LIPC: variants seen among roughly 807,000 people sequenced by gnomAD.
LIPC encodes lipase C, hepatic type, also known as hepatic triacylglycerol lipase.
LIPC carries 44 observed loss-of-function variants against 50.7 expected under a neutral mutation model. That is an observed-to-expected ratio of 0.87 (90% CI 0.68 to 1.11). The LOEUF is 1.11. Among genes scored for constraint, LIPC ranks in the 50% most tolerant of loss-of-function variants. The probability of loss-of-function intolerance (pLI) is 0.00; values close to 1 mark genes in which losing one functional copy is unlikely to be tolerated. For missense variants in LIPC, 697 were observed against 648.2 expected (o/e 1.08, Z -0.82); for synonymous variants, 271 against 256.4 (o/e 1.06, Z -0.54).
intron 7 of LIPC, 66 bp from the exon 8 acceptor site, chr15:58,563,439 G>A: frequency 7.6e-7 from 1 of 1,309,876 alleles, no homozygotes; most frequent in Non-Finnish European, 1.1e-6. Flanking sequence ...CATCCTGAAT[G>A]TGTGTGACCG....
At chr15:58,557,379 CT>C (rs386383140) in intron 6 of LIPC, among the ~76,000 whole-genome samples, 2,386 of 75,350 alleles carry the variant, frequency 0.032, 22 homozygotes, top group African/African-American at 0.08. Flanking sequence ...ATTATATGCT[CT>C]TTTTTTTTTT....
At chr15:58,495,677 G>C (rs2140821226) in intron 1 of LIPC, among the ~76,000 whole-genome samples, 1 of 152,340 alleles carries the variant, frequency 6.6e-6, no homozygotes, top group East Asian at 1.9e-4. Context: ...GCCCACATGA[G>C]GCAGAGCCAG....
intron 1 of LIPC, among the ~76,000 whole-genome samples, chr15:58,478,503 G>C (rs768068094): frequency 7.9e-5 from 12 of 152,172 alleles, no homozygotes; most frequent in Non-Finnish European, 1.5e-4. Context: ...CCTCCCGAAA[G>C]TGCTAGGATT....
At chr15:58,518,895 G>C (rs1304203286) in intron 1 of LIPC, among the ~76,000 whole-genome samples, 2 of 150,618 alleles carry the variant, frequency 1.3e-5, no homozygotes, top group Non-Finnish European at 3.0e-5. Flanking sequence ...AAACATAATA[G>C]ACACTCACAA....
rs561163271 is a variant in LIPC, at chr15:58,453,378, TC to T, written c.88+21260del. On this transcript the variant is annotated intron_variant, in intron 1 of 8. Transcript: ENST00000299022. ...TTCTGCCTCCTGCAGGCACCCTCATTCCGCATTCTCGGTAAGTGATTCTAAT... is the reference window on the plus strand; with the variant it reads ...TTCTGCCTCCTGCAGGCACCCTCATTCGCATTCTCGGTAAGTGATTCTAAT... Among the ~76,000 whole-genome samples, 477 of 151,908 alleles carry T rather than the reference TC, an allele frequency of 3.1e-3. 3 individuals carry two copies. Among genetic ancestry groups the T allele is most frequent in the African/African-American group, 0.011 (464 of 41,426 alleles).
intron 7 of LIPC, 115 bp from the exon 8 acceptor site, chr15:58,563,390 A>G (rs1894234717): frequency 1.2e-6 from 1 of 845,244 alleles, no homozygotes; most frequent in Non-Finnish European, 2.0e-6. Flanking sequence ...AGTTTGGGAA[A>G]TGCAGCAAAA....
At chr15:58,568,558 C>T (rs1186583490) in intron 8 of LIPC, among the ~76,000 whole-genome samples, 158 bp from the exon 9 acceptor site, 4 of 152,154 alleles carry the variant, frequency 2.6e-5, no homozygotes, top group Non-Finnish European at 4.4e-5. Context: ...TTTTGTTTTT[C>T]TCTGAAGTTA....
intron 1 of LIPC, among the ~76,000 whole-genome samples, chr15:58,438,169 T>A (rs1281859765): frequency 6.6e-6 from 1 of 152,018 alleles, no homozygotes; most frequent in Non-Finnish European, 1.5e-5. Context: ...CCTGCCCTCC[T>A]CTCCACATCA....
intron 8 of LIPC, chr15:58,565,344 C>T (rs1415291409): frequency 3.0e-5 from 46 of 1,530,588 alleles, no homozygotes; most frequent in Non-Finnish European, 4.0e-5. Context: ...GGTGGCTGCT[C>T]ACCCTGACAA....
chr15:58,520,133 T>A (rs1162441774), intron 1 of LIPC, among the ~76,000 whole-genome samples: 1 of 150,506 alleles, frequency 6.6e-6, no homozygotes, highest in Non-Finnish European at 1.5e-5. Flanking sequence ...GTTTTTTTTT[T>A]AATCTGTTAA....
chr15:58,510,763 T>G (rs1215790601), intron 1 of LIPC, among the ~76,000 whole-genome samples: 5 of 152,248 alleles, frequency 3.3e-5, no homozygotes, highest in Non-Finnish European at 7.3e-5. Context: ...CAATGGTATA[T>G]CATGCTATTT....
At chr15:58,445,061 C>T (rs1373415979) in intron 1 of LIPC, among the ~76,000 whole-genome samples, 1 of 152,234 alleles carries the variant, frequency 6.6e-6, no homozygotes, top group East Asian at 1.9e-4. Flanking sequence ...TGCTGAGACA[C>T]ACAGGAGCCG....
At chr15:58,492,029 G>C (rs556139685) in intron 1 of LIPC, among the ~76,000 whole-genome samples, 38 of 152,340 alleles carry the variant, frequency 2.5e-4, no homozygotes, top group African/African-American at 8.9e-4. Flanking sequence ...AAGCAACAGA[G>C]CACCCATTGT....
chr15:58,493,932 A>C lies in LIPC; in HGVS notation c.89-44401A>C, dbSNP rs539088705. 9.8e-5 allele frequency among the ~76,000 whole-genome samples: 15 copies of C among 152,308 alleles called. 1 individual carries two copies. The South Asian group carries it at 2.1e-3, about 21-fold the overall frequency. Reference sequence around the variant, plus strand: ...TGCTTGTGGGGGAACTTTATTTACTAGAACAACCCCAGGTAGGAGGAGAGG... The same window carrying C: ...TGCTTGTGGGGGAACTTTATTTACTCGAACAACCCCAGGTAGGAGGAGAGG... On this transcript the variant is annotated intron_variant, in intron 1 of 8. Coordinates refer to ENST00000299022, the MANE Select transcript of LIPC (RefSeq NM_000236.3).
At chr15:58,530,771 T>G (rs1375384135) in intron 1 of LIPC, among the ~76,000 whole-genome samples, 1 of 152,232 alleles carries the variant, frequency 6.6e-6, no homozygotes, top group Non-Finnish European at 1.5e-5. Context: ...TTTGTACCCT[T>G]TTAAATCTAG....
At chr15:58,562,309 G>C (rs10851637) in intron 7 of LIPC, among the ~76,000 whole-genome samples, 76,075 of 152,116 alleles carry the variant, frequency 0.5, 19,856 homozygotes, top group East Asian at 0.83. Flanking sequence ...GGCCCCACTA[G>C]GGCCTGCAGT....
chr15:58,502,394 C>G lies in LIPC; in HGVS notation c.89-35939C>G, dbSNP rs181362952. Among the ~76,000 whole-genome samples, 15 of 152,182 alleles carry G rather than the reference C, an allele frequency of 9.9e-5. No individual in the cohort carries two copies. In the East Asian group the frequency reaches 2.7e-3, roughly 27 times the overall value. On this transcript the variant is annotated intron_variant, in intron 1 of 8. Coordinates refer to ENST00000299022, the MANE Select transcript of LIPC (RefSeq NM_000236.3). Reference sequence around the variant, plus strand: ...GCCATCCCGAGTTTTACCTGGCACACGCAGGTGCTAGGTAGTATTCCTTCA... The same window carrying G: ...GCCATCCCGAGTTTTACCTGGCACAGGCAGGTGCTAGGTAGTATTCCTTCA...
intron 1 of LIPC, among the ~76,000 whole-genome samples, chr15:58,456,931 T>C (rs1894142650): frequency 6.6e-6 from 1 of 152,024 alleles, no homozygotes; most frequent in African/African-American, 2.4e-5. Context: ...AATAAGAAAA[T>C]AGAAACTATG....
chr15:58,540,230 T>G (rs185689969), intron 2 of LIPC, among the ~76,000 whole-genome samples: 1 of 152,352 alleles, frequency 6.6e-6, no homozygotes, highest in Non-Finnish European at 1.5e-5. Flanking sequence ...CAAAATGCAC[T>G]CTTCATTATC....
Sources: gnomAD v4.1 joint callset for allele counts (sites outside exome capture counted in the v4.1 genomes callset) on GRCh38, gnomAD v4.1.1 for gene constraint, MANE v1.5 for transcripts, NCBI Gene and HGNC (gene_info 2026-07-23, HGNC 2026-07-21) for gene names.